The following SYN2 variants were observed in gnomAD, a reference collection of about 807,000 sequenced individuals.
SYN2 encodes synapsin II.
A neutral mutation model predicts 50.9 loss-of-function variants in SYN2; 19 were observed. The ratio of observed to expected loss-of-function variants is 0.37; its 90% CI spans 0.26 to 0.55. The LOEUF (loss-of-function observed/expected upper bound fraction) is 0.55, where lower values mean the gene tolerates loss of function less well. Ranked by LOEUF, SYN2 falls within the 20% of genes least tolerant of loss-of-function variation. SYN2 has a pLI of 0.81. For missense variants in SYN2, 587 were observed against 576.4 expected, an observed-to-expected ratio of 1.02 and a Z score of -0.19; for synonymous variants, 255 against 224.9, an observed-to-expected ratio of 1.13 and a Z score of -1.20.
chr3:12,063,028 G>A (rs1663778993), intron 1 of SYN2, among the ~76,000 whole-genome samples: 1 of 151,806 alleles, frequency 6.6e-6, no homozygotes. Context: ...TTTTGGAAAA[G>A]GCAAAACTAT....
chr3:12,132,342 T>C (rs1196537499), intron 1 of SYN2, among the ~76,000 whole-genome samples: 1 of 152,218 alleles, frequency 6.6e-6, no homozygotes, highest in East Asian at 1.9e-4. Context: ...GGAATTTAAT[T>C]TGACTAGCTC....
chr3:12,095,097 A>G (rs1438898752), intron 1 of SYN2, among the ~76,000 whole-genome samples: 1 of 152,108 alleles, frequency 6.6e-6, no homozygotes, highest in Admixed American at 6.5e-5. Context: ...AGAACCAGGA[A>G]ACTAGTTTGA....
chr3:12,171,432 A>C (rs1010804465), intron 10 of SYN2, among the ~76,000 whole-genome samples: 5 of 152,192 alleles, frequency 3.3e-5, no homozygotes, highest in African/African-American at 1.2e-4. Context: ...AAGAGTGACA[A>C]GTAGTCCCTT....
intron 11 of SYN2, among the ~76,000 whole-genome samples, chr3:12,186,354 G>T (rs1265768423): frequency 6.6e-6 from 1 of 152,146 alleles, no homozygotes; most frequent in Non-Finnish European, 1.5e-5. Context: ...AGGCAATCTG[G>T]TACCACCTTA....
Position 12,161,442 on chromosome 3 carries a change from C to CT in SYN2, c.775-101dup, listed in dbSNP as rs1697646192. The CT allele has an allele frequency of 2.3e-6, 3 of 1,314,286 alleles. No individual in the cohort carries two copies. The Admixed American group carries it at 5.8e-5, about 26-fold the overall frequency. The allele number at this position is 1,314,286 out of a possible 1,614,324, so 81.4% of individuals were successfully genotyped here. Reference sequence around the variant, plus strand: ...GTAAAGCAAGTAGATTGGACTAGTTCTTTAAAGAACCCTCCCAAGGGTATT... The same window carrying CT: ...GTAAAGCAAGTAGATTGGACTAGTTCTTTTAAAGAACCCTCCCAAGGGTATT... On this transcript the variant is annotated intron_variant, in intron 5 of 12. Coordinates refer to ENST00000621198, the MANE Select transcript of SYN2 (RefSeq NM_133625.6).
At chr3:12,091,788 T>G (rs995516247) in intron 1 of SYN2, among the ~76,000 whole-genome samples, 6 of 152,190 alleles carry the variant, frequency 3.9e-5, no homozygotes, top group African/African-American at 1.4e-4. Flanking sequence ...CTGCAGGCTG[T>G]CTATTGGAAT....
intron 1 of SYN2, among the ~76,000 whole-genome samples, chr3:12,013,532 C>G (rs1386674944): frequency 6.6e-6 from 1 of 152,148 alleles, no homozygotes; most frequent in Non-Finnish European, 1.5e-5. Context: ...CTGGACATCT[C>G]CATCTGGGTG....
rs894169895 is a variant in SYN2, at chr3:12,050,386, C to G, written c.377+45458C>G. 2.0e-5 allele frequency among the ~76,000 whole-genome samples: 3 copies of G among 149,214 alleles called. 1 individual carries two copies. Among genetic ancestry groups the G allele is most frequent in the African/African-American group, 7.4e-5 (3 of 40,534 alleles). On this transcript the variant is annotated intron_variant, in intron 1 of 12. Coordinates refer to ENST00000621198, the MANE Select transcript of SYN2 (RefSeq NM_133625.6). ...TTGGAGATAGAGTTTTGCTCTGTCC[C>G]CCAGGCTGGAGTGCAGTGGTACGAT... is the stretch of plus-strand genomic sequence containing the variant.
At chr3:12,137,641 G>C (rs151105620) in intron 1 of SYN2, among the ~76,000 whole-genome samples, 1 of 152,268 alleles carries the variant, frequency 6.6e-6, no homozygotes, top group Admixed American at 6.5e-5. Flanking sequence ...TATTAAAAAG[G>C]AAGAGGCCCA....
chr3:12,128,263 T>C (rs902415203), intron 1 of SYN2, among the ~76,000 whole-genome samples: 1 of 152,192 alleles, frequency 6.6e-6, no homozygotes, highest in African/African-American at 2.4e-5. Context: ...ACATTCTTTA[T>C]GATACTTGAT....
chr3:12,138,946 T>G (rs1020972299), intron 1 of SYN2, among the ~76,000 whole-genome samples: 1 of 152,214 alleles, frequency 6.6e-6, no homozygotes, highest in Non-Finnish European at 1.5e-5. Flanking sequence ...TAGACTCTAT[T>G]AGTTAAACCT....
chr3:12,169,263 T>C (rs937270261), intron 9 of SYN2, among the ~76,000 whole-genome samples: 2 of 152,134 alleles, frequency 1.3e-5, no homozygotes, highest in African/African-American at 4.8e-5. Context: ...GAATCAGGAT[T>C]GGTGGTAAAA....
chr3:12,100,663 A>G (rs1696053050), intron 1 of SYN2, among the ~76,000 whole-genome samples: 1 of 152,198 alleles, frequency 6.6e-6, no homozygotes, highest in Non-Finnish European at 1.5e-5. Context: ...ATGGGATACT[A>G]TCAGTAAAGT....
intron 1 of SYN2, among the ~76,000 whole-genome samples, chr3:12,036,438 T>C (rs1283944732): frequency 6.6e-6 from 1 of 152,182 alleles, no homozygotes; most frequent in Non-Finnish European, 1.5e-5. Flanking sequence ...CACCAAGGTT[T>C]ACCATTTATG....
chr3:12,061,875 G>A (rs899878977), intron 1 of SYN2, among the ~76,000 whole-genome samples: 1 of 151,926 alleles, frequency 6.6e-6, no homozygotes, highest in Non-Finnish European at 1.5e-5. Context: ...GAAAGAAATC[G>A]AAGATCTAAA....
At chr3:12,141,390 C>A in intron 2 of SYN2, among the ~76,000 whole-genome samples, 1 of 152,136 alleles carries the variant, frequency 6.6e-6, no homozygotes, top group East Asian at 1.9e-4. Context: ...GTTACATAGG[C>A]AAGATTGATA....
chr3:12,098,863 A>ATATG (rs1243227381), intron 1 of SYN2, among the ~76,000 whole-genome samples: 1 of 146,712 alleles, frequency 6.8e-6, no homozygotes, highest in Non-Finnish European at 1.5e-5. Context: ...AAGCATATAT[A>ATATG]TATATATATA....
chr3:12,122,294 C>G (rs1696578128), intron 1 of SYN2, among the ~76,000 whole-genome samples: 2 of 152,008 alleles, frequency 1.3e-5, no homozygotes, highest in Admixed American at 1.3e-4. Flanking sequence ...ATCTTAAAAT[C>G]CTCAACTCTG....
intron 1 of SYN2, among the ~76,000 whole-genome samples, chr3:12,135,990 TC>T (rs1286920380): frequency 1.3e-5 from 2 of 152,256 alleles, no homozygotes; most frequent in Non-Finnish European, 2.9e-5. Context: ...ATATGGATCA[TC>T]CCTGCTCTGA....
Sources: gnomAD v4.1 joint callset for allele counts (sites outside exome capture counted in the v4.1 genomes callset) on GRCh38, gnomAD v4.1.1 for gene constraint, MANE v1.5 for transcripts, NCBI Gene and HGNC (gene_info 2026-07-23, HGNC 2026-07-21) for gene names.